The following CHAF1B variants were observed in gnomAD, a reference collection of about 807,000 sequenced individuals.
CHAF1B encodes chromatin assembly factor 1 subunit B.
Under a neutral mutation model 60.7 loss-of-function variants are expected in CHAF1B, and 10 were observed. That is an observed-to-expected ratio of 0.16 (90% confidence interval 0.10 to 0.28). The LOEUF is 0.28. CHAF1B is among the 10% of genes least tolerant of loss of function. The pLI is 1.00. For synonymous variants in CHAF1B, 261 were observed against 266.1 expected (o/e 0.98, Z 0.19); for missense variants, 558 against 708.4 (o/e 0.79, Z 2.41).
intron 4 of CHAF1B, among the ~76,000 whole-genome samples, chr21:36,391,907 A>ATTTTTTTTT (rs55920360): frequency 6.0e-5 from 4 of 67,052 alleles, no homozygotes; most frequent in Admixed American, 2.0e-4. Context: ...TGATTTTTAA[A>ATTTTTTTTT]TTTTTTTTTT....
intron 7 of CHAF1B, among the ~76,000 whole-genome samples, chr21:36,400,379 G>A (rs1427462397): frequency 6.6e-6 from 1 of 152,076 alleles, no homozygotes; most frequent in Non-Finnish European, 1.5e-5. Flanking sequence ...GCTGAGGCAG[G>A]AGAATTGCTT....
intron 3 of CHAF1B, among the ~76,000 whole-genome samples, chr21:36,389,267 C>T (rs2086062428): frequency 6.6e-6 from 1 of 152,086 alleles, no homozygotes; most frequent in African/African-American, 2.4e-5. Context: ...TAGATTGATT[C>T]TTGTTTTCTG....
intron 2 of CHAF1B, among the ~76,000 whole-genome samples, chr21:36,386,464 CGTGGCA>C (rs968592425): frequency 1.3e-5 from 2 of 152,080 alleles, no homozygotes; most frequent in Admixed American, 6.6e-5. Context: ...AGTAGCGGGA[CGTGGCA>C]GTGTGCAGCT....
At chr21:36,395,283 G>A (rs986579518) in intron 5 of CHAF1B, among the ~76,000 whole-genome samples, 1 of 151,950 alleles carries the variant, frequency 6.6e-6, no homozygotes, top group Admixed American at 6.6e-5. Flanking sequence ...CTTGACCTCA[G>A]GTGATCCACC....
intron 3 of CHAF1B, among the ~76,000 whole-genome samples, chr21:36,391,345 A>AT (rs1052635334): frequency 1.1e-4 from 16 of 151,398 alleles, no homozygotes; most frequent in East Asian, 5.8e-4. Flanking sequence ...CATGCAGCTA[A>AT]TTTTTTTGTA....
At chr21:36,391,749 C>G in intron 4 of CHAF1B, 81 bp downstream of exon 4, 1 of 928,580 alleles carries the variant, frequency 1.1e-6, no homozygotes, top group Non-Finnish European at 1.7e-6. Context: ...CTTTTTTTTT[C>G]TTTTCTTTTG....
chr21:36,386,493 A>G (rs558721039), intron 2 of CHAF1B, among the ~76,000 whole-genome samples: 7 of 152,198 alleles, frequency 4.6e-5, no homozygotes, highest in African/African-American at 1.4e-4. Flanking sequence ...AGGCCCAGCT[A>G]CTTGGGAAGT....
At position 36,415,360 on chromosome 21, in the gene CHAF1B, C is replaced by T. The variant is rs200840491; in HGVS notation, c.1559C>T (p.Ser520Phe). Residue 520 changes from serine to phenylalanine, a missense_variant, in exon 13 of 14, where the codon TCC becomes TTC. Physicochemically the swap from Ser to Phe is radical, Grantham distance 155 (BLOSUM62 -2). Coordinates refer to ENST00000314103, the MANE Select transcript of CHAF1B (RefSeq NM_005441.3). ...AGTTCTGTACCAACCAGTGTGATTT[C>T]CACCCCTTCTACAGAAGAAATTCAG... ...PPSSVPTSVI[S>F]TPSTEEIQSE... 7.0e-5 allele frequency: 113 copies of T among 1,609,472 alleles called. No individual in the cohort carries two copies. The highest frequency in any genetic ancestry group is 9.3e-5 in the Non-Finnish European group (109 of 1,175,886).
intron 8 of CHAF1B, among the ~76,000 whole-genome samples, chr21:36,403,146 G>A (rs2086205502): frequency 6.6e-6 from 1 of 152,026 alleles, no homozygotes; most frequent in Non-Finnish European, 1.5e-5. Context: ...TAAAATGATA[G>A]GCATTTTCTC....
At chr21:36,413,923 G>A (rs1214744395) in intron 12 of CHAF1B, among the ~76,000 whole-genome samples, 1 of 152,184 alleles carries the variant, frequency 6.6e-6, no homozygotes, top group Non-Finnish European at 1.5e-5. Flanking sequence ...CAGGATGTAG[G>A]CAATTCCAGG....
intron 3 of CHAF1B, chr21:36,389,136 A>C (rs1482947731): frequency 6.5e-6 from 1 of 152,920 alleles, no homozygotes; most frequent in Non-Finnish European, 1.5e-5. Context: ...GCTGTGACTG[A>C]TGCTGCTTTG....
At chr21:36,403,550 C>T (rs1435105064) in intron 8 of CHAF1B, among the ~76,000 whole-genome samples, 2 of 151,122 alleles carry the variant, frequency 1.3e-5, no homozygotes, top group African/African-American at 2.4e-5. Context: ...GAAGCCATAG[C>T]GCTAAAGCCA....
At chr21:36,414,411 T>C (rs2086302081) in intron 12 of CHAF1B, among the ~76,000 whole-genome samples, 1 of 152,264 alleles carries the variant, frequency 6.6e-6, no homozygotes, top group Non-Finnish European at 1.5e-5. Flanking sequence ...TTAAAATCTC[T>C]CATTTCTTTC....
At chr21:36,391,712 G>C (rs1423875464) in intron 4 of CHAF1B, 44 bp downstream of exon 4, 1 of 1,228,766 alleles carries the variant, frequency 8.1e-7, no homozygotes, top group Non-Finnish European at 1.2e-6. Flanking sequence ...TTTACGATGA[G>C]TGCATTAAAT....
chr21:36,413,437 A>G lies in CHAF1B; in HGVS notation c.1493+122A>G. Reference sequence around the variant, plus strand: ...ATGCTTCATGCCAGTAGGTTGCCAGAGAGATTCTTAACTTCAAATCCGAGA... The same window carrying G: ...ATGCTTCATGCCAGTAGGTTGCCAGGGAGATTCTTAACTTCAAATCCGAGA... On this transcript the variant is annotated intron_variant, in intron 12 of 13. Coordinates refer to ENST00000314103, the MANE Select transcript of CHAF1B (RefSeq NM_005441.3). 5.5e-6 allele frequency: 5 copies of G among 910,474 alleles called. No individual in the cohort carries two copies. In the South Asian group the frequency reaches 9.0e-5, roughly 16 times the overall value. The allele number at this position is 910,474 out of a possible 1,614,324, so 56.4% of individuals were successfully genotyped here.
At chr21:36,406,951 G>T (rs1569127793) in intron 8 of CHAF1B, among the ~76,000 whole-genome samples, 1 of 152,086 alleles carries the variant, frequency 6.6e-6, no homozygotes, top group Non-Finnish European at 1.5e-5. Flanking sequence ...GGTAAAAATA[G>T]AAAACTCTTG....
intron 4 of CHAF1B, among the ~76,000 whole-genome samples, chr21:36,393,446 C>CTTTTTTT (rs748789062): frequency 8.7e-6 from 1 of 115,140 alleles, no homozygotes; most frequent in African/African-American, 3.4e-5. Flanking sequence ...TACAGCTATC[C>CTTTTTTT]TTTTTTTTTT....
At chr21:36,407,350 G>A (rs1028267054) in intron 8 of CHAF1B, among the ~76,000 whole-genome samples, 14 of 150,998 alleles carry the variant, frequency 9.3e-5, no homozygotes, top group Non-Finnish European at 1.2e-4. Flanking sequence ...TGCAAGCATT[G>A]TTTATAGTGG....
chr21:36,398,896 G>T (rs530031411), intron 6 of CHAF1B, among the ~76,000 whole-genome samples: 1 of 152,284 alleles, frequency 6.6e-6, no homozygotes, highest in African/African-American at 2.4e-5. Flanking sequence ...AATAAAAGTG[G>T]TAGGGAGGAG....
Sources: allele counts gnomAD v4.1 joint callset (sites outside exome capture counted in the v4.1 genomes callset), GRCh38; gene constraint gnomAD v4.1.1; transcripts MANE v1.5; gene names NCBI Gene and HGNC (gene_info 2026-07-23, HGNC 2026-07-21).